Variants in XYLT1 observed in about 807,000 individuals in gnomAD.
XYLT1 encodes the protein beta-D-xylosyltransferase 1.
Under a neutral mutation model 91.3 loss-of-function variants are expected in XYLT1, and 36 were observed. The observed-to-expected ratio is 0.39, with a 90% confidence interval of 0.30 to 0.52. The LOEUF (loss-of-function observed/expected upper bound fraction) is 0.52. Among genes scored for constraint, XYLT1 ranks in the 20% least tolerant of loss-of-function variants. The probability of loss-of-function intolerance (pLI) is 0.68; values close to 1 mark genes in which losing one functional copy is unlikely to be tolerated. For synonymous variants in XYLT1, 588 were observed against 532.0 expected, an observed-to-expected ratio of 1.11 and a Z score of -1.45; for missense variants, 1,242 against 1,284.5, an observed-to-expected ratio of 0.97 and a Z score of 0.51.
intron 3 of XYLT1, among the ~76,000 whole-genome samples, chr16:17,207,047 T>A (rs1352669243): frequency 1.0e-5 from 1 of 99,344 alleles, no homozygotes; most frequent in Admixed American, 1.0e-4. Flanking sequence ...GGTTTTCTTT[T>A]CTTTCTTTTT....
chr16:17,311,428 C>T (rs58357580), intron 2 of XYLT1, among the ~76,000 whole-genome samples: 24,029 of 152,148 alleles, frequency 0.16, 2,061 homozygotes, highest in African/African-American at 0.22. Flanking sequence ...CCTTCACCCC[C>T]AGTATGTGAT....
intron 10 of XYLT1, among the ~76,000 whole-genome samples, chr16:17,121,332 T>A (rs1249248936): frequency 6.6e-6 from 1 of 152,042 alleles, no homozygotes; most frequent in Admixed American, 6.6e-5. Context: ...CTGGATCTTG[T>A]TTTTCAACCG....
intron 1 of XYLT1, among the ~76,000 whole-genome samples, chr16:17,360,096 G>C (rs2035361440): frequency 2.0e-5 from 3 of 152,136 alleles, no homozygotes. Context: ...TTGATTATAA[G>C]ATAAGAAGCT....
intron 2 of XYLT1, among the ~76,000 whole-genome samples, chr16:17,349,355 C>T (rs2035188778): frequency 6.6e-6 from 1 of 152,186 alleles, no homozygotes; most frequent in Non-Finnish European, 1.5e-5. Flanking sequence ...TAGATCTAAT[C>T]TCTAATCTCC....
chr16:17,191,147 C>G (rs1597180525), intron 5 of XYLT1, among the ~76,000 whole-genome samples: 1 of 152,122 alleles, frequency 6.6e-6, no homozygotes, highest in African/African-American at 2.4e-5. Context: ...CTGGCCCAAC[C>G]AAGAAAAGAA....
intron 1 of XYLT1, among the ~76,000 whole-genome samples, chr16:17,424,522 T>TA (rs1221376464): frequency 1.3e-5 from 2 of 151,958 alleles, no homozygotes; most frequent in Non-Finnish European, 2.9e-5. Context: ...ATGAAGTAAA[T>TA]AAACCATGAC....
intron 3 of XYLT1, among the ~76,000 whole-genome samples, chr16:17,232,472 A>G (rs2033180972): frequency 7.2e-6 from 1 of 139,444 alleles, no homozygotes; most frequent in Non-Finnish European, 1.5e-5. Context: ...TATATTGCCC[A>G]TGTCAAAAAG....
chr16:17,390,368 T>A (rs1300156947), intron 1 of XYLT1, among the ~76,000 whole-genome samples: 1 of 152,088 alleles, frequency 6.6e-6, no homozygotes, highest in Non-Finnish European at 1.5e-5. Flanking sequence ...GGTAAGAAGG[T>A]GCCTAAGTCG....
At chr16:17,315,495 G>T (rs575092754) in intron 2 of XYLT1, among the ~76,000 whole-genome samples, 1 of 152,012 alleles carries the variant, frequency 6.6e-6, no homozygotes, top group East Asian at 1.9e-4. Flanking sequence ...CTCAGCACTA[G>T]TCACAGCAGA....
At chr16:17,167,977 C>T (rs2141553203) in intron 5 of XYLT1, among the ~76,000 whole-genome samples, 1 of 152,306 alleles carries the variant, frequency 6.6e-6, no homozygotes, top group East Asian at 1.9e-4. Context: ...TATGCAAGGA[C>T]CTTACTGACA....
intron 5 of XYLT1, among the ~76,000 whole-genome samples, chr16:17,170,700 A>G (rs2031801396): frequency 6.6e-6 from 1 of 152,190 alleles, no homozygotes; most frequent in Non-Finnish European, 1.5e-5. Flanking sequence ...CTGAGAACAG[A>G]TGCCTTTTTC....
rs1014123953 is a variant in XYLT1 at position 17,136,354 on chromosome 16, A to T, written c.1765-1619T>A. Among the ~76,000 whole-genome samples the T allele has an allele frequency of 7.2e-5, 11 of 152,286 alleles. 1 individual carries two copies. The highest frequency in any genetic ancestry group is 1.7e-4 in the African/African-American group (7 of 41,560). On this transcript the variant is annotated intron_variant, in intron 8 of 11. Coordinates refer to ENST00000261381, the MANE Select transcript of XYLT1 (RefSeq NM_022166.4). ...TAAACTGGGAAGCCCCCTGATCGTA[A>T]GTACCCTTGGTGTTATTCTAAACAT...
chr16:17,138,741 C>T, intron 7 of XYLT1: 4 of 540,076 alleles, frequency 7.4e-6, no homozygotes, highest in Admixed American at 3.1e-5. Flanking sequence ...TACCAAGCCT[C>T]AGATTTTCCT....
intron 1 of XYLT1, among the ~76,000 whole-genome samples, chr16:17,446,935 G>A (rs1032885559): frequency 1.3e-5 from 2 of 152,008 alleles, no homozygotes; most frequent in African/African-American, 4.8e-5. Flanking sequence ...GCCCAAGAGG[G>A]ACCTCTGGAC....
chr16:17,316,189 T>G (rs1315854761), intron 2 of XYLT1, among the ~76,000 whole-genome samples: 1 of 152,166 alleles, frequency 6.6e-6, no homozygotes, highest in African/African-American at 2.4e-5. Context: ...GAAATTAAGC[T>G]TATTGACTCA....
At chr16:17,251,813 C>A (rs555365593) in intron 3 of XYLT1, among the ~76,000 whole-genome samples, 1 of 152,302 alleles carries the variant, frequency 6.6e-6, no homozygotes, top group African/African-American at 2.4e-5. Context: ...GTGTTCCCTG[C>A]AACCAGGGCT....
intron 1 of XYLT1, among the ~76,000 whole-genome samples, chr16:17,438,025 G>C (rs2036483460): frequency 6.6e-6 from 1 of 152,148 alleles, no homozygotes; most frequent in South Asian, 2.1e-4. Flanking sequence ...GGAACATTCA[G>C]GAAGAGAGAA....
chr16:17,459,188 A>G (rs2036782904), intron 1 of XYLT1, among the ~76,000 whole-genome samples: 1 of 152,054 alleles, frequency 6.6e-6, no homozygotes, highest in African/African-American at 2.4e-5. Context: ...CCTGGGCAAC[A>G]TAGCAAAACC....
At chr16:17,428,371 T>C (rs1253161097) in intron 1 of XYLT1, among the ~76,000 whole-genome samples, 2 of 152,268 alleles carry the variant, frequency 1.3e-5, no homozygotes, top group Admixed American at 6.5e-5. Context: ...CACCTGACCC[T>C]GTCACTTTCC....
Sources: allele counts gnomAD v4.1 joint callset (sites outside exome capture counted in the v4.1 genomes callset), GRCh38; gene constraint gnomAD v4.1.1; transcripts MANE v1.5; gene names NCBI Gene and HGNC (gene_info 2026-07-23, HGNC 2026-07-21).